SASH1: variants seen among roughly 807,000 people sequenced by gnomAD.
SASH1 encodes SAM and SH3 domain containing 1.
Under a neutral mutation model 125.2 loss-of-function variants are expected in SASH1, and 44 were observed. That is an observed-to-expected ratio of 0.35 (90% confidence interval 0.28 to 0.45). The LOEUF (loss-of-function observed/expected upper bound fraction) is 0.45, where lower values mean the gene tolerates loss of function less well. Among genes scored for constraint, SASH1 ranks in the 20% least tolerant of loss-of-function variants. SASH1 has a pLI of 1.00. For synonymous variants in SASH1, 639 were observed against 649.1 expected (o/e 0.98, Z 0.24); for missense variants, 1,426 against 1,614.5 (o/e 0.88, Z 2.00).
At chr6:148,359,720 G>A (rs971479181) in intron 1 of SASH1, among the ~76,000 whole-genome samples, 3 of 152,114 alleles carry the variant, frequency 2.0e-5, no homozygotes, top group African/African-American at 7.2e-5. Flanking sequence ...TTTCATGAAA[G>A]GAAGAGTCCC....
At chr6:148,341,957 C>A (rs1347878574), upstream of SASH1, among the ~76,000 whole-genome samples, 3 of 152,148 alleles carry the variant, frequency 2.0e-5, no homozygotes, top group Non-Finnish European at 4.4e-5. Context: ...AGGGCTAGTT[C>A]CCTTATAAAA....
At chr6:148,481,202 A>G (rs1778601518) in intron 7 of SASH1, among the ~76,000 whole-genome samples, 1 of 152,028 alleles carries the variant, frequency 6.6e-6, no homozygotes. Flanking sequence ...TTAATATAAG[A>G]CGCACCTCCT....
chr6:148,425,388 A>G (rs1031033829), intron 2 of SASH1, among the ~76,000 whole-genome samples: 5 of 152,170 alleles, frequency 3.3e-5, no homozygotes, highest in Admixed American at 1.3e-4. Context: ...TGGCTGTAAA[A>G]TGCTTAATAA....
At chr6:148,288,485 C>T (rs567578694) in intron 1 of SASH1, among the ~76,000 whole-genome samples, 1 of 152,270 alleles carries the variant, frequency 6.6e-6, no homozygotes, top group African/African-American at 2.4e-5. Flanking sequence ...GGTTGAACTA[C>T]CTATGCATCC....
intron 2 of SASH1, among the ~76,000 whole-genome samples, chr6:148,427,063 A>T (rs910817426): frequency 1.3e-5 from 2 of 152,068 alleles, no homozygotes; most frequent in African/African-American, 4.8e-5. Context: ...AATCACTTGA[A>T]CCCAGGAGGC....
intron 1 of SASH1, among the ~76,000 whole-genome samples, chr6:148,312,194 T>A (rs929553433): frequency 6.6e-6 from 1 of 152,262 alleles, no homozygotes; most frequent in Non-Finnish European, 1.5e-5. Context: ...GTGATGGAAC[T>A]GTTCTATATC....
At chr6:148,223,057 G>A in the SASH1 span, among the ~76,000 whole-genome samples, 3 of 152,136 alleles carry the variant, frequency 2.0e-5, no homozygotes, top group African/African-American at 7.2e-5. Flanking sequence ...TTCTGGGCAC[G>A]GCCAAGGCAA....
chr6:148,289,864 T>G (rs1483608730), intron 1 of SASH1, among the ~76,000 whole-genome samples: 8 of 81,872 alleles, frequency 9.8e-5, no homozygotes, highest in African/African-American at 3.4e-4. Flanking sequence ...TGGTTGTGTT[T>G]TTTTTTTTTT....
chr6:148,233,742 C>CAAAAA, the SASH1 span, among the ~76,000 whole-genome samples: 2,362 of 60,374 alleles, frequency 0.039, 241 homozygotes, highest in Non-Finnish European at 0.049. Context: ...TTCCTCTCTA[C>CAAAAA]AAAAAAAAAA....
chr6:148,493,631 A>G (rs1413405576), intron 8 of SASH1, among the ~76,000 whole-genome samples: 1 of 152,202 alleles, frequency 6.6e-6, no homozygotes, highest in Non-Finnish European at 1.5e-5. Flanking sequence ...TTGATTTCAT[A>G]GGCTTCCCCA....
the SASH1 span, among the ~76,000 whole-genome samples, chr6:148,227,969 T>C: frequency 6.6e-6 from 1 of 152,188 alleles, no homozygotes; most frequent in Non-Finnish European, 1.5e-5. Context: ...ATAAAAAAAG[T>C]ACCCAAGCAT....
In SASH1 at chr6:148,319,058, A is replaced by C. The variant is rs377260295; in HGVS notation, n.74+46681A>C. Reference sequence around the variant, plus strand: ...TTTTTTTTTTTTTTTTTTGAGACGGAGTCTGGCTCTGTAGCCCAGGCTGGA... The same window carrying C: ...TTTTTTTTTTTTTTTTTTGAGACGGCGTCTGGCTCTGTAGCCCAGGCTGGA... On this transcript the variant is annotated intron_variant and non_coding_transcript_variant, in intron 1 of 3. Coordinates refer to the SASH1 transcript ENST00000367469. Among the ~76,000 whole-genome samples the C allele has an allele frequency of 5.4e-3, 403 of 75,316 alleles. 2 individuals carry two copies. Among genetic ancestry groups the C allele is most frequent in the African/African-American group, 0.02 (381 of 18,988 alleles). 49.4% of individuals were successfully genotyped at this position (75,316 alleles called of 152,430 possible).
chr6:148,260,372 C>G, the SASH1 span, among the ~76,000 whole-genome samples: 1 of 151,716 alleles, frequency 6.6e-6, no homozygotes, highest in Non-Finnish European at 1.5e-5. Flanking sequence ...CTTTGGAGGC[C>G]AAGGTGGGAG....
chr6:148,350,085 T>C (rs1003269703), intron 1 of SASH1, among the ~76,000 whole-genome samples: 7 of 152,082 alleles, frequency 4.6e-5, no homozygotes, highest in Admixed American at 4.6e-4. Flanking sequence ...GACCTCGTGA[T>C]CCACTCACCT....
In SASH1 at chr6:148,544,155, C is replaced by T; in HGVS notation, c.2685C>T (p.Thr895=). The T allele has an allele frequency of 1.2e-6, 2 of 1,614,082 alleles. No individual in the cohort carries two copies. Among genetic ancestry groups the T allele is most frequent in the South Asian group, 1.1e-5 (1 of 91,074 alleles). The change falls in exon 18 of 20, where the codon ACC becomes ACT. Residue 895 remains threonine, a synonymous_variant. Transcript: ENST00000367467. The surrounding 1 kb of genome is among the most constrained non-coding windows in gnomAD (Gnocchi z 6.4). ...CTGTCGACAATGCATTGCTACTGAC[C>T]CAAAGCAAGAGATTTTCTGAACCTC... is the stretch of plus-strand genomic sequence containing the variant. ...DSAVDNALLL[T]QSKRFSEPQK... is the part of the protein sequence containing the mutation.
intron 1 of SASH1, among the ~76,000 whole-genome samples, chr6:148,387,718 T>C (rs1010430321): frequency 1.4e-5 from 2 of 146,072 alleles, no homozygotes; most frequent in Non-Finnish European, 3.0e-5. Flanking sequence ...TTATTTCTTT[T>C]CTTTCCATTC....
intron 8 of SASH1, among the ~76,000 whole-genome samples, chr6:148,502,733 C>G (rs1489147527): frequency 7.6e-6 from 1 of 132,154 alleles, no homozygotes; most frequent in Non-Finnish European, 1.6e-5. Flanking sequence ...GATAGGAGGG[C>G]ATCTAAGGTT....
intron 8 of SASH1, chr6:148,509,222 T>C (rs1264405873): frequency 7.6e-6 from 2 of 261,912 alleles, no homozygotes; most frequent in Admixed American, 5.1e-5. Flanking sequence ...TTATATCTGA[T>C]TGGCTTCCTT....
intron 2 of SASH1, among the ~76,000 whole-genome samples, chr6:148,411,696 A>G (rs989881096): frequency 6.6e-6 from 1 of 152,258 alleles, no homozygotes; most frequent in Admixed American, 6.5e-5. Context: ...GGCATACACC[A>G]CTACTTCCAA....
Sources: allele counts gnomAD v4.1 joint callset (sites outside exome capture counted in the v4.1 genomes callset), GRCh38; gene constraint gnomAD v4.1.1; non-coding constraint Gnocchi (gnomAD v3.1); transcripts MANE v1.5; gene names NCBI Gene and HGNC (gene_info 2026-07-23, HGNC 2026-07-21).